The following COMMD6 variants were observed in gnomAD, a reference collection of about 807,000 sequenced individuals.
COMMD6 encodes COMM domain containing 6.
A neutral mutation model predicts 13.4 loss-of-function variants in COMMD6; 11 were observed. That is an observed-to-expected ratio of 0.82 (90% CI 0.52 to 1.36). COMMD6 has a LOEUF of 1.36. COMMD6 is among the 40% of genes most tolerant of loss of function. The pLI, the probability that COMMD6 is intolerant of heterozygous loss-of-function variation, is 0.00. For missense variants in COMMD6, 124 were observed against 102.4 expected (o/e 1.21, Z -0.91); for synonymous variants, 43 against 36.5 (o/e 1.18, Z -0.64).
chr13:75,542,290 CTTTTT>C (rs59815923), upstream of COMMD6, among the ~76,000 whole-genome samples: 6,496 of 138,088 alleles, frequency 0.047, 495 homozygotes, highest in African/African-American at 0.16. Flanking sequence ...TCTTTCTTTC[CTTTTT>C]TTTTTTTTTT....
chr13:75,534,152 A>T (rs1018241201), intron 2 of COMMD6, among the ~76,000 whole-genome samples: 1 of 152,182 alleles, frequency 6.6e-6, no homozygotes, highest in African/African-American at 2.4e-5. Context: ...AACAGTATTT[A>T]GCCTGTACAA....
chr13:75,528,118 C>T (rs2138410064), intron 3 of COMMD6, among the ~76,000 whole-genome samples: 1 of 151,352 alleles, frequency 6.6e-6, no homozygotes, highest in African/African-American at 2.4e-5. Flanking sequence ...GTAATCTTTA[C>T]ACAATGTATA....
intron 2 of COMMD6, 38 bp downstream of exon 2, chr13:75,537,626 G>C: frequency 6.2e-7 from 1 of 1,613,518 alleles, no homozygotes; most frequent in Non-Finnish European, 8.5e-7. Context: ...GTGGGAGGCA[G>C]GCTGGCGGAG....
At chr13:75,538,633 C>T (rs1593960881), upstream of COMMD6, 1 of 152,134 alleles carries the variant, frequency 6.6e-6, no homozygotes. Flanking sequence ...TTCTAAATAA[C>T]CACAATTCAA....
At chr13:75,533,260 C>A (rs1478210711) in intron 2 of COMMD6, among the ~76,000 whole-genome samples, 13 of 150,750 alleles carry the variant, frequency 8.6e-5, no homozygotes, top group Admixed American at 8.6e-4. Context: ...AGAATGATAT[C>A]AAAATATTGA....
upstream of COMMD6, among the ~76,000 whole-genome samples, chr13:75,538,222 G>A (rs112629281): frequency 1.3e-5 from 2 of 152,358 alleles, no homozygotes; most frequent in African/African-American, 2.4e-5. Context: ...TCCTGCAAGG[G>A]AAGGCTGTGG....
intron 2 of COMMD6, 197 bp downstream of exon 2, chr13:75,537,467 A>AGAG: frequency 6.4e-7 from 1 of 1,552,052 alleles, no homozygotes; most frequent in Non-Finnish European, 8.7e-7. Context: ...AGGGTGGGGA[A>AGAG]GAGGAGCTTT....
intron 1 of COMMD6, among the ~76,000 whole-genome samples, chr13:75,546,278 T>C (rs2030903684): frequency 6.6e-6 from 1 of 152,220 alleles, no homozygotes; most frequent in African/African-American, 2.4e-5. Context: ...GTGAGGCAAA[T>C]ATGGACTATT....
rs767908441 is a variant in COMMD6, at chr13:75,537,654, G to A, written c.54+10C>T. On this transcript the variant is annotated intron_variant, in intron 2 of 3. Transcript: ENST00000682242. ...TGGCGGAGGACAGGGCGGGGCGGCCGCTCACCCACCTGGTTGGTGACCTGA... is the reference window on the plus strand; with the variant it reads ...TGGCGGAGGACAGGGCGGGGCGGCCACTCACCCACCTGGTTGGTGACCTGA... The A allele has an allele frequency of 1.9e-6, 3 of 1,613,680 alleles. No individual in the cohort carries two copies. Among genetic ancestry groups the A allele is most frequent in the Non-Finnish European group, 2.5e-6 (3 of 1,179,802 alleles).
At chr13:75,530,083 G>A in intron 3 of COMMD6, 31 bp downstream of exon 3, 1 of 1,568,664 alleles carries the variant, frequency 6.4e-7, no homozygotes, top group South Asian at 1.1e-5. Flanking sequence ...CAGAAAAGCT[G>A]AGCTAAAACT....
chr13:75,535,403 G>A (rs1437005635), intron 2 of COMMD6, among the ~76,000 whole-genome samples: 1 of 152,236 alleles, frequency 6.6e-6, no homozygotes, highest in Non-Finnish European at 1.5e-5. Context: ...AGACCGCCAG[G>A]TGAGGCACAA....
At chr13:75,545,473 C>A (rs1490435590) in intron 1 of COMMD6, among the ~76,000 whole-genome samples, 1 of 146,920 alleles carries the variant, frequency 6.8e-6, no homozygotes, top group Non-Finnish European at 1.5e-5. Flanking sequence ...TTCTTTTTCT[C>A]TTTTTTTTTT....
At chr13:75,538,343 T>C (rs1384315860), upstream of COMMD6, among the ~76,000 whole-genome samples, 1 of 152,258 alleles carries the variant, frequency 6.6e-6, no homozygotes, top group Non-Finnish European at 1.5e-5. Flanking sequence ...GGCTGCGGAA[T>C]ACCTTCCCAT....
chr13:75,534,285 G>A (rs1332718642), intron 2 of COMMD6, among the ~76,000 whole-genome samples: 2 of 152,132 alleles, frequency 1.3e-5, no homozygotes, highest in Non-Finnish European at 2.9e-5. Flanking sequence ...AGCAATGAAG[G>A]CGTGCAATGC....
rs201943534 is a variant in COMMD6 at position 75,532,540 on chromosome 13, T to G, written c.55-2274A>C. Among the ~76,000 whole-genome samples, 17 of 152,270 alleles carry G rather than the reference T, an allele frequency of 1.1e-4. No individual in the cohort carries two copies. The East Asian group carries it at 3.1e-3, about 28-fold the overall frequency. On this transcript the variant is annotated intron_variant, in intron 2 of 3. Coordinates refer to ENST00000682242, the MANE Select transcript of COMMD6 (RefSeq NM_203495.4). ...AAATTTGGTTTAGGGATAGAACATT[T>G]TATCTGTCTTGCTGGGTGCGGTGGC...
At chr13:75,548,474 G>A (rs1218539484) in intron 1 of COMMD6, among the ~76,000 whole-genome samples, 1 of 152,126 alleles carries the variant, frequency 6.6e-6, no homozygotes, top group African/African-American at 2.4e-5. Flanking sequence ...TCTATTAGGT[G>A]CAGAATAGTA....
upstream of COMMD6, chr13:75,538,051 C>T (rs1401610907): frequency 2.1e-5 from 9 of 427,328 alleles, no homozygotes; most frequent in Non-Finnish European, 3.7e-5. Context: ...AGAAGAGAAG[C>T]GCTAATTAAA....
At chr13:75,528,031 ACAT>A in intron 3 of COMMD6, among the ~76,000 whole-genome samples, 1 of 144,854 alleles carries the variant, frequency 6.9e-6, no homozygotes, top group Non-Finnish European at 1.5e-5. Context: ...ACACACACAC[ACAT>A]ACATGCACAC....
At chr13:75,544,286 A>G (rs1166569207) in intron 1 of COMMD6, among the ~76,000 whole-genome samples, 1 of 152,236 alleles carries the variant, frequency 6.6e-6, no homozygotes, top group African/African-American at 2.4e-5. Context: ...AAAACAAAAC[A>G]AAACAAAAAA....
Sources: allele counts gnomAD v4.1 joint callset (sites outside exome capture counted in the v4.1 genomes callset), GRCh38; gene constraint gnomAD v4.1.1; transcripts MANE v1.5; gene names NCBI Gene and HGNC (gene_info 2026-07-23, HGNC 2026-07-21).